CCDC7: variants seen among roughly 807,000 people sequenced by gnomAD.
CCDC7 encodes coiled-coil domain-containing protein 7.
CCDC7 carries 183 observed loss-of-function variants against 196.9 expected under a neutral mutation model. The ratio of observed to expected loss-of-function variants is 0.93; its 90% confidence interval spans 0.82 to 1.05. CCDC7 has a LOEUF of 1.05. Among genes scored for constraint, CCDC7 ranks in the 50% least tolerant of loss-of-function variants. The pLI, the probability that CCDC7 is intolerant of heterozygous loss-of-function variation, is 0.00. For synonymous variants in CCDC7, 525 were observed against 484.6 expected (o/e 1.08, Z -1.10); for missense variants, 1,540 against 1,482.2 (o/e 1.04, Z -0.64).
intron 20 of CCDC7, among the ~76,000 whole-genome samples, chr10:32,659,631 G>A (rs1408489537): frequency 6.6e-6 from 1 of 152,038 alleles, no homozygotes; most frequent in African/African-American, 2.4e-5. Context: ...AAAATAAACA[G>A]CAACAACAAC....
intron 9 of CCDC7, among the ~76,000 whole-genome samples, chr10:32,497,627 T>C (rs1161848240): frequency 6.6e-6 from 1 of 152,232 alleles, no homozygotes; most frequent in Non-Finnish European, 1.5e-5. Context: ...ACATCTTTAT[T>C]CCTGCCTTCA....
chr10:32,685,945 G>GAAATAGATAAATA (rs200654896), intron 21 of CCDC7, 25 bp from the exon 23 acceptor site: 1 of 1,075,446 alleles, frequency 9.3e-7, no homozygotes, highest in Non-Finnish European at 1.3e-6. Flanking sequence ...CTATTTAGTG[G>GAAATAGATAAATA]AATAAATGTA....
At chr10:32,772,349 G>C (rs572792884) in intron 28 of CCDC7, among the ~76,000 whole-genome samples, 16 of 152,316 alleles carry the variant, frequency 1.1e-4, no homozygotes, top group African/African-American at 1.4e-4. Flanking sequence ...AGAAAGCTGA[G>C]TCCCAGTCAG....
chr10:32,729,009 A>C lies in CCDC7; in HGVS notation c.2779+12A>C, dbSNP rs1483093669. 1.5e-5 allele frequency: 23 copies of C among 1,494,020 alleles called. No homozygotes were observed. Among genetic ancestry groups the C allele is most frequent in the Non-Finnish European group, 1.9e-5 (21 of 1,078,004 alleles). 92.5% of individuals were successfully genotyped at this position (1,494,020 alleles called of 1,614,324 possible). On this transcript the variant is annotated intron_variant, in intron 27 of 41. Transcript: ENST00000639629. ...GGAAAGACACAAGAGTGAGTATAAT[A>C]ATTATCGATAACTTTAAATTATTTT...
Position 32,468,038 on chromosome 10 carries a change from T to C in CCDC7, c.511-3026T>C, listed in dbSNP as rs548668595. On this transcript the variant is annotated intron_variant, in intron 5 of 41. Transcript: ENST00000639629. ...TAGTGTGATGCCTCCAGATTTGTTC[T>C]TTTTGCTTTGGATTGCTTTGGCTCT... Among the ~76,000 whole-genome samples, 7 of 152,338 alleles carry C rather than the reference T, an allele frequency of 4.6e-5. No homozygotes were observed. The East Asian group carries it at 1.4e-3, about 29-fold the overall frequency.
chr10:32,699,948 A>T (rs1359962777), intron 24 of CCDC7, among the ~76,000 whole-genome samples: 1 of 149,192 alleles, frequency 6.7e-6, no homozygotes, highest in Non-Finnish European at 1.5e-5. Context: ...TAGATTCTGG[A>T]TATTAGCCCT....
intron 26 of CCDC7, among the ~76,000 whole-genome samples, chr10:32,728,463 G>GTA (rs2083440689): frequency 6.6e-6 from 1 of 152,004 alleles, no homozygotes; most frequent in African/African-American, 2.4e-5. Context: ...ATTGTTTGTG[G>GTA]TATATATATC....
intron 31 of CCDC7, among the ~76,000 whole-genome samples, chr10:32,818,199 T>A (rs1398468248): frequency 6.6e-6 from 1 of 152,100 alleles, no homozygotes; most frequent in African/African-American, 2.4e-5. Flanking sequence ...TAGTTTCTGA[T>A]AAAACAGACT....
Position 32,483,400 on chromosome 10 carries a change from T to G in CCDC7, c.797-8522T>G, listed in dbSNP as rs557054942. ...ATTGTAGATTCTGGATATTAGCCCT[T>G]TGTCAGATGAGTAGATTGCAGAAAT... On this transcript the variant is annotated intron_variant, in intron 8 of 41. Transcript: ENST00000639629. Among the ~76,000 whole-genome samples, 184 of 152,324 alleles carry G rather than the reference T, an allele frequency of 1.2e-3. 1 individual carries two copies. The highest frequency in any genetic ancestry group is 4.2e-3 in the African/African-American group (176 of 41,572).
chr10:32,551,087 G>A (rs2053401333), intron 13 of CCDC7, among the ~76,000 whole-genome samples: 2 of 151,920 alleles, frequency 1.3e-5, no homozygotes, highest in Non-Finnish European at 2.9e-5. Flanking sequence ...GCTTGTTATT[G>A]GTCTGTTCAG....
At chr10:32,447,314 C>G (rs547142699), upstream of CCDC7, among the ~76,000 whole-genome samples, 1 of 152,222 alleles carries the variant, frequency 6.6e-6, no homozygotes, top group Non-Finnish European at 1.5e-5. Context: ...ATCACTCGGT[C>G]CTTGGTGATA....
At chr10:32,478,615 T>G (rs2039434195) in intron 8 of CCDC7, among the ~76,000 whole-genome samples, 1 of 152,164 alleles carries the variant, frequency 6.6e-6, no homozygotes, top group Admixed American at 6.5e-5. Context: ...ATTAATTGAT[T>G]TTTGAATATT....
At chr10:32,669,083 A>G (rs918415721) in intron 21 of CCDC7, among the ~76,000 whole-genome samples, 2 of 152,030 alleles carry the variant, frequency 1.3e-5, no homozygotes, top group African/African-American at 4.8e-5. Context: ...TCCTATACCT[A>G]ACTGGTTTAA....
At chr10:32,471,359 C>A in intron 6 of CCDC7, 129 bp downstream of exon 7, 1 of 1,112,010 alleles carries the variant, frequency 9.0e-7, no homozygotes, top group Non-Finnish European at 1.2e-6. Context: ...CAGGTCTAGT[C>A]AGCTTGTTTC....
intron 29 of CCDC7, among the ~76,000 whole-genome samples, chr10:32,795,653 A>G (rs994919207): frequency 6.6e-6 from 1 of 152,006 alleles, no homozygotes; most frequent in African/African-American, 2.4e-5. Context: ...GCATTTAAGG[A>G]TTAATTATTT....
At chr10:32,479,069 A>T (rs2039511400) in intron 8 of CCDC7, among the ~76,000 whole-genome samples, 1 of 152,172 alleles carries the variant, frequency 6.6e-6, no homozygotes, top group Non-Finnish European at 1.5e-5. Context: ...AATCTAAATT[A>T]TCAAATTTGT....
chr10:32,818,733 G>A (rs985332574), intron 31 of CCDC7, among the ~76,000 whole-genome samples: 1 of 152,136 alleles, frequency 6.6e-6, no homozygotes, highest in Admixed American at 6.5e-5. Context: ...ATAACGAAAT[G>A]AAGGCAGAAA....
intron 32 of CCDC7, among the ~76,000 whole-genome samples, chr10:32,828,420 A>AG (rs1348115602): frequency 7.5e-6 from 1 of 133,952 alleles, no homozygotes; most frequent in Non-Finnish European, 1.6e-5. Flanking sequence ...GAGAAGGAGA[A>AG]GAAGAAGAAG....
At chr10:32,671,831 T>C (rs554800734) in intron 21 of CCDC7, among the ~76,000 whole-genome samples, 1 of 152,232 alleles carries the variant, frequency 6.6e-6, no homozygotes, top group South Asian at 2.1e-4. Flanking sequence ...TTTGTGTAGC[T>C]CTGGGAACTG....
Sources: gnomAD v4.1 joint callset for allele counts (sites outside exome capture counted in the v4.1 genomes callset) on GRCh38, gnomAD v4.1.1 for gene constraint, MANE v1.5 for transcripts, NCBI Gene and HGNC (gene_info 2026-07-23, HGNC 2026-07-21) for gene names.